SLC22A2: variants seen among roughly 807,000 people sequenced by gnomAD.
The protein encoded by SLC22A2 is organic cation transporter 2.
Under a neutral mutation model 60.5 loss-of-function variants are expected in SLC22A2, and 46 were observed. The ratio of observed to expected loss-of-function variants is 0.76; its 90% CI spans 0.60 to 0.97. The LOEUF (loss-of-function observed/expected upper bound fraction) is 0.97. Among genes scored for constraint, SLC22A2 ranks in the 50% least tolerant of loss-of-function variants. The pLI, the probability that SLC22A2 is intolerant of heterozygous loss-of-function variation, is 0.00. For missense variants in SLC22A2, 701 were observed against 706.6 expected (o/e 0.99, Z 0.09); for synonymous variants, 303 against 267.0 (o/e 1.13, Z -1.31).
At chr6:160,229,993 G>C (rs1025222567) in intron 9 of SLC22A2, among the ~76,000 whole-genome samples, 1 of 151,756 alleles carries the variant, frequency 6.6e-6, no homozygotes, top group African/African-American at 2.4e-5. Flanking sequence ...TCCCTCCCTA[G>C]TCTCTGTTCC....
intron 2 of SLC22A2, 64 bp downstream of exon 2, chr6:160,256,550 T>G (rs1783274221): frequency 9.5e-7 from 1 of 1,057,114 alleles, no homozygotes. Context: ...CAGGGGCAGG[T>G]GCATCCAAGT....
At chr6:160,224,870 C>T in intron 9 of SLC22A2, 66 bp from the exon 10 acceptor site, 1 of 947,462 alleles carries the variant, frequency 1.1e-6, no homozygotes, top group Non-Finnish European at 1.5e-6. Flanking sequence ...ATTAGAGTTT[C>T]CCTTATTTTT....
chr6:160,227,249 C>T lies in SLC22A2; in HGVS notation c.1502-2445G>A, dbSNP rs182207101. 3.8e-4 allele frequency among the ~76,000 whole-genome samples: 58 copies of T among 152,222 alleles called. No individual in the cohort carries two copies. In the East Asian group the frequency reaches 0.01, roughly 26 times the overall value. On this transcript the variant is annotated intron_variant, in intron 9 of 10. Coordinates refer to ENST00000366953, the MANE Select transcript of SLC22A2 (RefSeq NM_003058.4). ...TGCCATTGATTTTCTCAAAGGGTAC[C>T]ACCTATGAGACTTCATCTACATAAT...
chr6:160,258,192 G>T, intron 1 of SLC22A2, 152 bp downstream of exon 1: 1 of 852,844 alleles, frequency 1.2e-6, no homozygotes, highest in Non-Finnish European at 1.8e-6. Context: ...GAAGCTGCAT[G>T]TTCTCATTTG....
At chr6:160,254,139 A>G (rs922945747) in intron 2 of SLC22A2, among the ~76,000 whole-genome samples, 4 of 152,084 alleles carry the variant, frequency 2.6e-5, no homozygotes, top group Non-Finnish European at 5.9e-5. Context: ...TTAGCTGGGC[A>G]TGGTGGTAGG....
chr6:160,256,556 C>G (rs552763609), intron 2 of SLC22A2, 58 bp downstream of exon 2: 52 of 1,201,354 alleles, frequency 4.3e-5, no homozygotes, highest in Non-Finnish European at 6.5e-5. Context: ...CAGGTGCATC[C>G]AAGTGTTCTC....
intron 2 of SLC22A2, among the ~76,000 whole-genome samples, chr6:160,252,269 G>T (rs1178520584): frequency 6.6e-6 from 1 of 152,066 alleles, no homozygotes; most frequent in Non-Finnish European, 1.5e-5. Flanking sequence ...TGACTCAAAT[G>T]GTACTTCTTC....
chr6:160,257,765 T>C (rs917852657), intron 1 of SLC22A2: 1 of 152,202 alleles, frequency 6.6e-6, no homozygotes, highest in African/African-American at 2.4e-5. Context: ...TTCTATTATA[T>C]TTATTGGAAT....
intron 10 of SLC22A2, among the ~76,000 whole-genome samples, chr6:160,224,219 G>A (rs560382424): frequency 1.3e-5 from 2 of 151,780 alleles, no homozygotes; most frequent in South Asian, 2.1e-4. Context: ...TATGAAGGAA[G>A]TTGAGCATAT....
intron 9 of SLC22A2, among the ~76,000 whole-genome samples, chr6:160,235,290 T>C (rs1782892761): frequency 6.6e-6 from 1 of 151,756 alleles, no homozygotes; most frequent in Admixed American, 6.6e-5. Flanking sequence ...AAATATAGTT[T>C]CAGGGATAGC....
intron 9 of SLC22A2, among the ~76,000 whole-genome samples, chr6:160,230,743 C>T (rs1219460781): frequency 6.6e-6 from 1 of 151,960 alleles, no homozygotes; most frequent in African/African-American, 2.4e-5. Context: ...TCCTCCAGAA[C>T]CTCCTCCCCC....
At chr6:160,258,108 A>T (rs1461343017) in intron 1 of SLC22A2, 2 of 539,710 alleles carry the variant, frequency 3.7e-6, no homozygotes, top group Non-Finnish European at 6.5e-6. Flanking sequence ...TTGCTGGGAC[A>T]TGCACAAACT....
chr6:160,245,613 TAAC>T (rs1349351834), intron 5 of SLC22A2, 68 bp from the exon 6 acceptor site: 8 of 887,100 alleles, frequency 9.0e-6, no homozygotes, highest in African/African-American at 1.9e-5. Context: ...ACATAGGGAA[TAAC>T]AATAATTTCT....
intron 9 of SLC22A2, among the ~76,000 whole-genome samples, chr6:160,233,145 C>A (rs1379503671): frequency 6.6e-6 from 1 of 151,998 alleles, no homozygotes; most frequent in Non-Finnish European, 1.5e-5. Context: ...CCAGGACTGG[C>A]AAATTGACTT....
chr6:160,218,823 C>T (rs141652610), intron 10 of SLC22A2, among the ~76,000 whole-genome samples: 17 of 61,950 alleles, frequency 2.7e-4, no homozygotes, highest in Admixed American at 6.5e-4. Context: ...ACAGAATCAA[C>T]ACCATCACAA....
At chr6:160,217,867 A>G (rs1389760433) in intron 10 of SLC22A2, 1 of 162,238 alleles carries the variant, frequency 6.2e-6, no homozygotes, top group African/African-American at 2.4e-5. Context: ...TAGAATTTGA[A>G]AAATTATTTT....
intron 1 of SLC22A2, chr6:160,257,626 A>G (rs1007848824): frequency 6.6e-6 from 1 of 152,180 alleles, no homozygotes; most frequent in Non-Finnish European, 1.5e-5. Flanking sequence ...CACACAGAAT[A>G]TCTTCCCATT....
At chr6:160,234,633 A>G (rs766247475) in intron 9 of SLC22A2, among the ~76,000 whole-genome samples, 1 of 152,236 alleles carries the variant, frequency 6.6e-6, no homozygotes, top group Admixed American at 6.5e-5. Context: ...TGAACTTGTA[A>G]CCACATGGCA....
chr6:160,245,281 G>A (rs1018994057), intron 6 of SLC22A2, 158 bp downstream of exon 6: 2 of 502,556 alleles, frequency 4.0e-6, no homozygotes, highest in African/African-American at 3.9e-5. Flanking sequence ...ATTTGCCCAA[G>A]AAAAACACGA....
Sources: allele counts gnomAD v4.1 joint callset (sites outside exome capture counted in the v4.1 genomes callset), GRCh38; gene constraint gnomAD v4.1.1; transcripts MANE v1.5; gene names NCBI Gene and HGNC (gene_info 2026-07-23, HGNC 2026-07-21).